RIMS1: variants seen among roughly 807,000 people sequenced by gnomAD.
The protein encoded by RIMS1 is regulating synaptic membrane exocytosis protein 1.
In RIMS1, 83 loss-of-function variants were observed where a neutral mutation model predicts 214.1. That is an observed-to-expected ratio of 0.39 (90% CI 0.32 to 0.47). RIMS1 has a LOEUF of 0.47. RIMS1 is among the 20% of genes least tolerant of loss of function. RIMS1 has a pLI of 0.99. For missense variants in RIMS1, 2,050 were observed against 2,161.8 expected (o/e 0.95, Z 1.03); for synonymous variants, 793 against 786.8 (o/e 1.01, Z -0.13).
chr6:72,216,597 G>C (rs374736342), intron 6 of RIMS1: 3 of 985,442 alleles, frequency 3.0e-6, no homozygotes, highest in African/African-American at 3.5e-5. Flanking sequence ...GGGCTTGGCA[G>C]GACCATTGCC....
chr6:72,191,543 C>T (rs1182990788), intron 6 of RIMS1, among the ~76,000 whole-genome samples: 1 of 152,232 alleles, frequency 6.6e-6, no homozygotes, highest in African/African-American at 2.4e-5. Context: ...ATCAAGCTCT[C>T]TCAGAACAAG....
intron 2 of RIMS1, among the ~76,000 whole-genome samples, chr6:72,008,252 A>C (rs9446537): frequency 0.017 from 2,579 of 152,224 alleles, 74 homozygotes; most frequent in African/African-American, 0.049. Flanking sequence ...GAAATAAAAT[A>C]CTTTACAGAC....
chr6:71,941,289 ATAAT>A (rs138686972), intron 1 of RIMS1, among the ~76,000 whole-genome samples: 11,219 of 152,250 alleles, frequency 0.074, 522 homozygotes, highest in Middle Eastern at 0.12. Flanking sequence ...CTACTTAAAG[ATAAT>A]TACTGTTTGC....
intron 2 of RIMS1, among the ~76,000 whole-genome samples, chr6:72,078,859 A>G (rs1832565096): frequency 6.6e-6 from 1 of 152,110 alleles, no homozygotes; most frequent in South Asian, 2.1e-4. Flanking sequence ...AAGTTTTTTT[A>G]TATATTTATA....
intron 6 of RIMS1, among the ~76,000 whole-genome samples, chr6:72,214,233 A>G (rs2463698): frequency 0.53 from 80,524 of 151,588 alleles, 23,193 homozygotes; most frequent in East Asian, 0.83. Context: ...AACCCTGTTT[A>G]GTTTATTAAA....
intron 29 of RIMS1, among the ~76,000 whole-genome samples, chr6:72,365,374 C>T (rs757869988): frequency 6.6e-6 from 1 of 152,190 alleles, no homozygotes; most frequent in Non-Finnish European, 1.5e-5. Context: ...ACTCCAAGTT[C>T]TGAGAGGCAG....
intron 6 of RIMS1, among the ~76,000 whole-genome samples, chr6:72,196,601 T>TTTTTTTTTTTTTTTTTTTTC (rs2051010880): frequency 7.1e-6 from 1 of 140,578 alleles, no homozygotes; most frequent in Non-Finnish European, 1.6e-5. Context: ...TTTTTTTTTT[T>TTTTTTTTTTTTTTTTTTTTC]TTACCTATAC....
chr6:71,941,173 C>T (rs753776950), intron 1 of RIMS1, among the ~76,000 whole-genome samples: 1 of 151,822 alleles, frequency 6.6e-6, no homozygotes, highest in Admixed American at 6.6e-5. Flanking sequence ...TGTAATTGTC[C>T]ATTTATCCTT....
intron 2 of RIMS1, among the ~76,000 whole-genome samples, chr6:72,017,731 A>T (rs893699367): frequency 6.6e-6 from 1 of 152,232 alleles, no homozygotes; most frequent in African/African-American, 2.4e-5. Flanking sequence ...AATTTTCAAA[A>T]TAAAGAGAAT....
chr6:72,160,951 A>G (rs1489097835), intron 4 of RIMS1, among the ~76,000 whole-genome samples: 1 of 139,692 alleles, frequency 7.2e-6, no homozygotes. Context: ...TAGTTTCAGA[A>G]GGAATGGTAC....
chr6:72,179,907 T>G lies in RIMS1; in HGVS notation c.804T>G (p.Pro268=). The G allele has an allele frequency of 6.7e-7, 1 of 1,491,240 alleles. No homozygotes were observed. The highest frequency in any genetic ancestry group is 8.9e-7 in the Non-Finnish European group (1 of 1,119,346). The allele number at this position is 1,491,240 out of a possible 1,614,324, so 92.4% of individuals were successfully genotyped here. A position where few individuals can be genotyped will look rare whatever the true frequency, so the allele number is the denominator to read the frequency against. ...CATCCAGGTCTAGAAGTGAACCTCCTAGAGAGAGGTAATAGTTCTTTCACC... is the reference window on the plus strand; with the variant it reads ...CATCCAGGTCTAGAAGTGAACCTCCGAGAGAGAGGTAATAGTTCTTTCACC... ...QASSRSRSEP[P]RERKKTPGLS... is the part of the protein sequence containing the mutation. The change falls in exon 5 of 34, where the codon CCT becomes CCG. Residue 268 remains proline, a synonymous_variant. Transcript: ENST00000521978.
intron 2 of RIMS1, among the ~76,000 whole-genome samples, chr6:72,004,818 G>A (rs879268114): frequency 7.6e-4 from 115 of 151,494 alleles, no homozygotes; most frequent in Middle Eastern, 6.8e-3. Flanking sequence ...CATTCTGTAG[G>A]TTGCCTGTTC....
chr6:71,890,581 A>C (rs1284197814), intron 1 of RIMS1, among the ~76,000 whole-genome samples: 1 of 143,548 alleles, frequency 7.0e-6, no homozygotes, highest in South Asian at 2.2e-4. Context: ...AAAAAAAAAA[A>C]AAAAAAAAAA....
At chr6:72,263,185 A>G in intron 19 of RIMS1, 2 of 984,852 alleles carry the variant, frequency 2.0e-6, no homozygotes, top group Non-Finnish European at 2.4e-6. Context: ...CTTGAAATTT[A>G]ATACACACAG....
chr6:71,926,583 T>C (rs1170568836), intron 1 of RIMS1, among the ~76,000 whole-genome samples: 2 of 152,200 alleles, frequency 1.3e-5, no homozygotes, highest in African/African-American at 4.8e-5. Context: ...CAAACTTGTC[T>C]CTCATTTCTT....
At chr6:72,261,814 G>A in intron 19 of RIMS1, 1 of 985,032 alleles carries the variant, frequency 1.0e-6, no homozygotes, top group Non-Finnish European at 1.2e-6. Context: ...CATAACTACT[G>A]CCATGTTTGC....
At chr6:72,304,540 A>G (rs1348879877) in intron 26 of RIMS1, among the ~76,000 whole-genome samples, 1 of 151,954 alleles carries the variant, frequency 6.6e-6, no homozygotes, top group East Asian at 1.9e-4. Flanking sequence ...AATTTGTCTT[A>G]ATATTTGGCT....
chr6:72,274,390 G>A lies in RIMS1; in HGVS notation c.3440G>A (p.Ser1147Asn). ...SPSLDRRRPP[S>N]PRIQIQHASP... ...TCCCTAGATAGGAGACGACCTCCTA[G>A]TCCCAGGATTCAAATCCAGCATGCG... is the stretch of plus-strand genomic sequence containing the variant. The change falls in exon 23 of 34, where the codon AGT (serine) becomes AAT (asparagine). Residue 1147 changes from serine to asparagine, a missense_variant. Ser to Asn is a conservative substitution (Grantham distance 46, BLOSUM62 1). Transcript: ENST00000521978. 1 of 1,613,254 alleles carries A rather than the reference G, an allele frequency of 6.2e-7. No individual in the cohort carries two copies. Among genetic ancestry groups the A allele is most frequent in the Non-Finnish European group, 8.5e-7 (1 of 1,179,450 alleles).
At chr6:71,950,096 G>T (rs1480584620) in intron 1 of RIMS1, among the ~76,000 whole-genome samples, 1 of 152,090 alleles carries the variant, frequency 6.6e-6, no homozygotes, top group Non-Finnish European at 1.5e-5. Flanking sequence ...CTAAGTGAAA[G>T]AAGTCAGACA....
Sources: gnomAD v4.1 joint callset for allele counts (sites outside exome capture counted in the v4.1 genomes callset) on GRCh38, gnomAD v4.1.1 for gene constraint, MANE v1.5 for transcripts, NCBI Gene and HGNC (gene_info 2026-07-23, HGNC 2026-07-21) for gene names.